The following SCD5 variants were observed in gnomAD, a reference collection of about 807,000 sequenced individuals.
SCD5 encodes the protein acyl-CoA-desaturase 4.
SCD5 carries 20 observed loss-of-function variants against 30.4 expected under a neutral mutation model. The ratio of observed to expected loss-of-function variants is 0.66; its 90% CI spans 0.46 to 0.96. SCD5 has a LOEUF of 0.96. SCD5 is among the 40% of genes least tolerant of loss of function. The pLI, the probability that SCD5 is intolerant of heterozygous loss-of-function variation, is 0.00. For synonymous variants in SCD5, 173 were observed against 176.4 expected (o/e 0.98, Z 0.16); for missense variants, 381 against 443.3 (o/e 0.86, Z 1.26).
intron 2 of SCD5, among the ~76,000 whole-genome samples, chr4:82,703,745 CAAT>C (rs1719907931): frequency 6.6e-6 from 1 of 151,886 alleles, no homozygotes; most frequent in African/African-American, 2.4e-5. Context: ...AAAAAAAGTC[CAAT>C]AATAGAAATG....
At chr4:82,795,797 G>C (rs1256306678) in intron 1 of SCD5, among the ~76,000 whole-genome samples, 1 of 101,020 alleles carries the variant, frequency 9.9e-6, no homozygotes, top group Non-Finnish European at 1.8e-5. Flanking sequence ...ACTCCAGCAA[G>C]ACCCTGTCTC....
At chr4:82,695,407 T>TA (rs1246012120) in intron 2 of SCD5, among the ~76,000 whole-genome samples, 1 of 152,036 alleles carries the variant, frequency 6.6e-6, no homozygotes, top group Non-Finnish European at 1.5e-5. Flanking sequence ...TAAAAGGTGG[T>TA]AAAAATGAGA....
At chr4:82,750,594 G>A (rs777148150) in intron 1 of SCD5, among the ~76,000 whole-genome samples, 5 of 151,584 alleles carry the variant, frequency 3.3e-5, no homozygotes, top group African/African-American at 7.3e-5. Context: ...TTGAGTCCTC[G>A]AGAATATGGC....
intron 3 of SCD5, among the ~76,000 whole-genome samples, chr4:82,670,482 A>G (rs1728287100): frequency 1.3e-5 from 2 of 152,228 alleles, no homozygotes; most frequent in African/African-American, 2.4e-5. Context: ...ATGAGAAGAA[A>G]TGCTCAAATA....
At chr4:82,667,350 C>CA (rs1183553288) in intron 3 of SCD5, among the ~76,000 whole-genome samples, 6 of 151,546 alleles carry the variant, frequency 4.0e-5, no homozygotes, top group Admixed American at 6.6e-5. Flanking sequence ...CTTACAGAGG[C>CA]AAAAAAAATT....
At chr4:82,654,788 G>A (rs749934536) in intron 3 of SCD5, among the ~76,000 whole-genome samples, 6 of 152,058 alleles carry the variant, frequency 3.9e-5, no homozygotes, top group Non-Finnish European at 4.4e-5. Flanking sequence ...GGATGTCTGG[G>A]CATCCACTCA....
At chr4:82,672,162 T>C (rs1406264022) in intron 3 of SCD5, among the ~76,000 whole-genome samples, 4 of 151,450 alleles carry the variant, frequency 2.6e-5, no homozygotes, top group African/African-American at 9.7e-5. Context: ...GAAGAGCAAA[T>C]TAAATCCAAA....
chr4:82,750,778 A>C (rs1480299416), intron 1 of SCD5, among the ~76,000 whole-genome samples: 9 of 152,218 alleles, frequency 5.9e-5, no homozygotes, highest in South Asian at 2.1e-4. Context: ...TCCATTTTAC[A>C]GGTAGTGAAT....
chr4:82,687,545 C>A (rs1488977042), intron 2 of SCD5, among the ~76,000 whole-genome samples: 1 of 152,300 alleles, frequency 6.6e-6, no homozygotes, highest in East Asian at 1.9e-4. Context: ...TGTCATCCTT[C>A]TTCTATCTTT....
chr4:82,630,016 T>C lies in SCD5; in HGVS notation c.*1311A>G, dbSNP rs1727253118. The C allele has an allele frequency of 6.6e-6, 1 of 152,246 alleles. No individual in the cohort carries two copies. The highest frequency in any genetic ancestry group is 1.5e-5 in the Non-Finnish European group (1 of 68,044). The allele number at this position is 152,246 out of a possible 1,614,324, so 9.4% of individuals were successfully genotyped here. A position where few individuals can be genotyped will look rare whatever the true frequency, so the allele number is the denominator to read the frequency against. On this transcript the variant is annotated 3_prime_UTR_variant, in exon 5 of 5. Coordinates refer to ENST00000319540, the MANE Select transcript of SCD5 (RefSeq NM_001037582.3). Reference sequence around the variant, plus strand: ...ATTTAGCAGAAGTAGCTAAAGTACATGCATCAGTGGCTGGGATCAATTAGA... The same window carrying C: ...ATTTAGCAGAAGTAGCTAAAGTACACGCATCAGTGGCTGGGATCAATTAGA...
At chr4:82,754,467 G>A (rs1048367857) in intron 1 of SCD5, among the ~76,000 whole-genome samples, 1 of 151,930 alleles carries the variant, frequency 6.6e-6, no homozygotes, top group Non-Finnish European at 1.5e-5. Context: ...CCACAGGAGG[G>A]GTCTGGGTGG....
At position 82,762,968 on chromosome 4, in the gene SCD5, C is replaced by A. The variant is rs553850661; in HGVS notation, c.232+35338G>T. Among the ~76,000 whole-genome samples the A allele has an allele frequency of 2.0e-5, 3 of 152,256 alleles. No homozygotes were observed. In the East Asian group the frequency reaches 5.8e-4, roughly 29 times the overall value. Reference sequence around the variant, plus strand: ...CGGTGGAGCACAGCCCCATCGCCTTCCTGGTCCCCCTCTGTAGGGCTCTCC... The same window carrying A: ...CGGTGGAGCACAGCCCCATCGCCTTACTGGTCCCCCTCTGTAGGGCTCTCC... On this transcript the variant is annotated intron_variant, in intron 1 of 4. Coordinates refer to ENST00000319540, the MANE Select transcript of SCD5 (RefSeq NM_001037582.3).
intron 1 of SCD5, among the ~76,000 whole-genome samples, chr4:82,763,279 A>T (rs946799458): frequency 3.9e-5 from 6 of 152,184 alleles, no homozygotes; most frequent in Non-Finnish European, 7.3e-5. Context: ...TGGGAGGCTG[A>T]GGCAGGTGGA....
intron 4 of SCD5, among the ~76,000 whole-genome samples, chr4:82,634,130 A>C (rs1234120087): frequency 3.3e-5 from 5 of 152,238 alleles, no homozygotes; most frequent in Non-Finnish European, 5.9e-5. Context: ...TGGATGTACA[A>C]CATTGTACGT....
At chr4:82,739,976 G>A (rs939631974) in intron 1 of SCD5, among the ~76,000 whole-genome samples, 4 of 152,078 alleles carry the variant, frequency 2.6e-5, no homozygotes, top group Non-Finnish European at 5.9e-5. Flanking sequence ...GCTCACCTGT[G>A]TCGGCTCAAC....
Position 82,631,182 on chromosome 4 carries a change from T to A in SCD5, c.*145A>T, listed in dbSNP as rs1254070530. ...ATTGTATTTCAACATTATTTTGAGA[T>A]AAACAAAAACATTCCCAAACCACAT... On this transcript the variant is annotated 3_prime_UTR_variant, in exon 5 of 5. Coordinates refer to ENST00000319540, the MANE Select transcript of SCD5 (RefSeq NM_001037582.3). 1 of 591,660 alleles carries A rather than the reference T, an allele frequency of 1.7e-6. No homozygotes were observed. The highest frequency in any genetic ancestry group is 2.7e-6 in the Non-Finnish European group (1 of 366,474). 36.7% of individuals were successfully genotyped at this position (591,660 alleles called of 1,614,324 possible). A position where few individuals can be genotyped will look rare whatever the true frequency, so the allele number is the denominator to read the frequency against.
intron 1 of SCD5, among the ~76,000 whole-genome samples, chr4:82,754,382 T>C (rs1313046819): frequency 6.6e-6 from 1 of 152,064 alleles, no homozygotes; most frequent in African/African-American, 2.4e-5. Context: ...GGACTAAGAA[T>C]GGGAAAGCAG....
intron 3 of SCD5, among the ~76,000 whole-genome samples, chr4:82,679,246 A>AAGAAAGAG (rs1728508460): frequency 1.1e-5 from 1 of 90,608 alleles, no homozygotes; most frequent in African/African-American, 4.7e-5. Context: ...GAAAGAAAGA[A>AAGAAAGAG]AGAAAGAAAG....
At chr4:82,674,769 AC>A (rs1353195383) in intron 3 of SCD5, among the ~76,000 whole-genome samples, 1 of 152,180 alleles carries the variant, frequency 6.6e-6, no homozygotes, top group African/African-American at 2.4e-5. Context: ...GATCTGGACC[AC>A]ATTTTGGTCA....
Sources: allele counts gnomAD v4.1 joint callset (sites outside exome capture counted in the v4.1 genomes callset), GRCh38; gene constraint gnomAD v4.1.1; transcripts MANE v1.5; gene names NCBI Gene and HGNC (gene_info 2026-07-23, HGNC 2026-07-21).